USP12: variants seen among roughly 807,000 people sequenced by gnomAD.
USP12 encodes ubiquitin carboxyl-terminal hydrolase 12.
Under a neutral mutation model 45.5 loss-of-function variants are expected in USP12, and 19 were observed. The ratio of observed to expected loss-of-function variants is 0.42; its 90% CI spans 0.29 to 0.61. USP12 has a LOEUF of 0.61. Among genes scored for constraint, USP12 ranks in the 20% least tolerant of loss-of-function variants. The pLI is 0.22. For synonymous variants in USP12, 149 were observed against 148.8 expected, an observed-to-expected ratio of 1.00 and a Z score of -0.01; for missense variants, 242 against 447.7, an observed-to-expected ratio of 0.54 and a Z score of 4.15.
intron 1 of USP12, among the ~76,000 whole-genome samples, chr13:27,155,966 T>C (rs1188649494): frequency 6.6e-6 from 1 of 152,182 alleles, no homozygotes; most frequent in Non-Finnish European, 1.5e-5. Context: ...TTTTTAAAAA[T>C]ATTTCTTAAA....
intron 1 of USP12, chr13:27,170,070 A>C (rs2137854135): frequency 2.7e-6 from 1 of 367,250 alleles, no homozygotes; most frequent in East Asian, 3.9e-5. Flanking sequence ...TGGCGTATCT[A>C]AAAATAATTA....
In USP12 at chr13:27,093,324, C is replaced by T. The variant is rs191084168; in HGVS notation, c.573+2277G>A. Reference sequence around the variant, plus strand: ...AATTATACCCGAAAAAAAAAACCCACTTAAAATTCGACAATACTCAAAGAA... The same window carrying T: ...AATTATACCCGAAAAAAAAAACCCATTTAAAATTCGACAATACTCAAAGAA... On this transcript the variant is annotated intron_variant, in intron 4 of 8. Transcript: ENST00000282344. Among the ~76,000 whole-genome samples the T allele has an allele frequency of 9.0e-5, 13 of 144,464 alleles. No individual in the cohort carries two copies. The East Asian group carries it at 2.6e-3, about 29-fold the overall frequency. The allele number at this position is 144,464 out of a possible 152,430, so 94.8% of individuals were successfully genotyped here. A position where few individuals can be genotyped will look rare whatever the true frequency, so the allele number is the denominator to read the frequency against.
At chr13:27,170,596 G>GCACAAAA (rs1366793257) in intron 1 of USP12, among the ~76,000 whole-genome samples, 1 of 152,190 alleles carries the variant, frequency 6.6e-6, no homozygotes, top group African/African-American at 2.4e-5. Flanking sequence ...TTCTGGCCAC[G>GCACAAAA]CACAAAACAC....
chr13:27,075,219 G>C lies in USP12; in HGVS notation c.904C>G (p.Leu302Val). ...DATNPDRMYD[L>V]VAVVVHCGSG... ...CCACAGTGAACCACAACAGCAACAA[G>C]GTCGTACATTCTGTCTGGATTGGTG... is the stretch of plus-strand genomic sequence containing the variant. Residue 302 changes from leucine to valine, a missense_variant, in exon 7 of 9, where the codon CTT becomes GTT. This residue lies in a region of USP12 where 94 missense variants were observed against 168.3 expected (regional missense o/e 0.56). Transcript: ENST00000282344. The C allele has an allele frequency of 6.2e-7, 1 of 1,613,920 alleles. No individual in the cohort carries two copies. Among genetic ancestry groups the C allele is most frequent in the Non-Finnish European group, 8.5e-7 (1 of 1,179,856 alleles).
intron 3 of USP12, among the ~76,000 whole-genome samples, chr13:27,096,482 T>C (rs1026108867): frequency 6.6e-6 from 1 of 152,224 alleles, no homozygotes; most frequent in Non-Finnish European, 1.5e-5. Flanking sequence ...AACTGAAATA[T>C]TGGTGGTGCT....
intron 2 of USP12, among the ~76,000 whole-genome samples, chr13:27,109,941 A>G (rs1875350356): frequency 6.6e-6 from 1 of 150,480 alleles, no homozygotes; most frequent in Admixed American, 6.6e-5. Flanking sequence ...TCTTTGAGAC[A>G]AAAGAAGATA....
intron 1 of USP12, among the ~76,000 whole-genome samples, chr13:27,132,934 G>C (rs1193263810): frequency 6.6e-6 from 1 of 152,202 alleles, no homozygotes; most frequent in Non-Finnish European, 1.5e-5. Context: ...CAGCTATTCT[G>C]AATGAACTTC....
At chr13:27,143,087 G>A (rs1313040531) in intron 1 of USP12, among the ~76,000 whole-genome samples, 2 of 92,586 alleles carry the variant, frequency 2.2e-5, no homozygotes, top group South Asian at 4.6e-4. Flanking sequence ...GTGAGACTCC[G>A]TCTCAAAAAA....
chr13:27,138,528 G>T (rs1876913041), intron 1 of USP12, among the ~76,000 whole-genome samples: 1 of 152,168 alleles, frequency 6.6e-6, no homozygotes, highest in East Asian at 1.9e-4. Flanking sequence ...GACTTTCTTA[G>T]GAAACCTGTG....
chr13:27,089,810 T>C, intron 6 of USP12, 73 bp downstream of exon 6: 1 of 1,471,928 alleles, frequency 6.8e-7, no homozygotes, highest in Non-Finnish European at 9.3e-7. Context: ...CCTAGATTGT[T>C]TTTCTAAGCC....
rs1295528197 is a variant in USP12 at position 27,066,963 on chromosome 13, A to G, written c.*2320T>C. On this transcript the variant is annotated 3_prime_UTR_variant, in exon 9 of 9. Transcript: ENST00000282344. ...AAACATTTTACTTAGATCCAGCTGC[A>G]TTAAGAAGAAAAAGTAAATGTAAAA... 1 of 152,190 alleles carries G rather than the reference A, an allele frequency of 6.6e-6. No homozygotes were observed. 9.4% of individuals were successfully genotyped at this position (152,190 alleles called of 1,614,324 possible).
intron 3 of USP12, among the ~76,000 whole-genome samples, chr13:27,103,808 C>T (rs1874998614): frequency 6.7e-6 from 1 of 150,326 alleles, no homozygotes; most frequent in African/African-American, 2.4e-5. Flanking sequence ...AAAAAAAGCC[C>T]ATTTGGAAAA....
chr13:27,095,546 AC>A (rs1166944947), intron 4 of USP12, 54 bp downstream of exon 4: 2 of 1,281,682 alleles, frequency 1.6e-6, no homozygotes, highest in Non-Finnish European at 2.1e-6. Context: ...TCAAAGAACA[AC>A]CTTTAACATA....
Position 27,164,171 on chromosome 13 carries a change from C to G in USP12, c.48+7421G>C, listed in dbSNP as rs565374505. 1.1e-3 allele frequency among the ~76,000 whole-genome samples: 169 copies of G among 151,804 alleles called. No individual in the cohort carries two copies. The Middle Eastern group carries it at 0.014, about 13-fold the overall frequency. On this transcript the variant is annotated intron_variant, in intron 1 of 8. Coordinates refer to ENST00000282344, the MANE Select transcript of USP12 (RefSeq NM_182488.4). ...AGCACTAAAATAAAATCAAAGGCAA[C>G]AGTACTCTAACTCTACTGAAAGATA...
At chr13:27,115,543 T>C (rs1470332060) in intron 2 of USP12, among the ~76,000 whole-genome samples, 1 of 152,150 alleles carries the variant, frequency 6.6e-6, no homozygotes, top group Non-Finnish European at 1.5e-5. Flanking sequence ...AATATATGCA[T>C]TTTAAAACAC....
chr13:27,085,369 C>T (rs1016277123), intron 6 of USP12, among the ~76,000 whole-genome samples: 1 of 152,044 alleles, frequency 6.6e-6, no homozygotes, highest in African/African-American at 2.4e-5. Flanking sequence ...TCAGTAGAGA[C>T]GGGGTTTTAG....
intron 6 of USP12, among the ~76,000 whole-genome samples, chr13:27,084,169 TAC>T (rs374948699): frequency 0.029 from 4,193 of 142,440 alleles, 64 homozygotes; most frequent in African/African-American, 0.048. Context: ...CATGTTTGCA[TAC>T]ACACACACAC....
chr13:27,155,604 T>C (rs1037652509), intron 1 of USP12, among the ~76,000 whole-genome samples: 12 of 152,176 alleles, frequency 7.9e-5, no homozygotes, highest in African/African-American at 2.7e-4. Context: ...GCCTAAGAAT[T>C]TGAAGTTGCT....
chr13:27,155,654 G>T (rs1050264819), intron 1 of USP12, among the ~76,000 whole-genome samples: 5 of 152,098 alleles, frequency 3.3e-5, no homozygotes, highest in African/African-American at 1.2e-4. Flanking sequence ...TAACCCTGAG[G>T]CGGAACATAT....
Sources: allele counts gnomAD v4.1 joint callset (sites outside exome capture counted in the v4.1 genomes callset), GRCh38; gene constraint gnomAD v4.1.1; regional missense constraint gnomAD v4.1.1; transcripts MANE v1.5; gene names NCBI Gene and HGNC (gene_info 2026-07-23, HGNC 2026-07-21).